The following LANCL2 variants were observed in gnomAD, a reference collection of about 807,000 sequenced individuals.
LANCL2 encodes LanC like glutathione S-transferase 2, also known as lanC-like protein 2.
A neutral mutation model predicts 56.9 loss-of-function variants in LANCL2; 33 were observed. The ratio of observed to expected loss-of-function variants is 0.58; its 90% CI spans 0.44 to 0.78. The LOEUF is 0.78. Among genes scored for constraint, LANCL2 ranks in the 30% least tolerant of loss-of-function variants. The pLI is 0.00. For missense variants in LANCL2, 562 were observed against 580.2 expected, an observed-to-expected ratio of 0.97 and a Z score of 0.32; for synonymous variants, 233 against 228.2, an observed-to-expected ratio of 1.02 and a Z score of -0.19.
At chr7:55,370,465 TGAAC>T (rs1789930703) in intron 1 of LANCL2, among the ~76,000 whole-genome samples, 1 of 152,222 alleles carries the variant, frequency 6.6e-6, no homozygotes, top group African/African-American at 2.4e-5. Flanking sequence ...GCTGAAATCT[TGAAC>T]TTGTCAGAGA....
chr7:55,414,717 C>T (rs1029146710), intron 6 of LANCL2, among the ~76,000 whole-genome samples: 3 of 152,092 alleles, frequency 2.0e-5, no homozygotes, highest in East Asian at 1.9e-4. Flanking sequence ...CTGTGGCTCA[C>T]ACCTGTAATC....
rs3807356 is a variant in LANCL2 at position 55,423,185 on chromosome 7, C to T, written c.1009-2069C>T. Among the ~76,000 whole-genome samples, 216 of 152,296 alleles carry T rather than the reference C, an allele frequency of 1.4e-3. 5 individuals are homozygous for T. In the East Asian group the frequency reaches 0.036, roughly 26 times the overall value. On this transcript the variant is annotated intron_variant, in intron 6 of 8. Transcript: ENST00000254770. ...TCTATAGTTCTGAATTCTTGGATGT[C>T]TCGCTGTTAGAAGTAGCTGTTTGCT... is the stretch of plus-strand genomic sequence containing the variant.
chr7:55,366,053 A>C lies in LANCL2; in HGVS notation c.28A>C (p.Lys10Gln), dbSNP rs1268852870. ...GGGCGAGACCATGTCAAAGAGGCTG[A>C]AGCTCCACCTGGGAGGGGAGGCAGA... MGETMSKRL[K>Q]LHLGGEAEME... Residue 10 changes from lysine (K) to glutamine (Q), a missense_variant, in exon 1 of 9, where the codon AAG becomes CAG. By Grantham distance (53) the Lys-to-Gln change is moderately conservative (BLOSUM62 1). Transcript: ENST00000254770. The C allele has an allele frequency of 6.6e-7, 1 of 1,519,980 alleles. No individual in the cohort carries two copies. Among genetic ancestry groups the C allele is most frequent in the South Asian group, 1.2e-5 (1 of 81,858 alleles). The allele number at this position is 1,519,980 out of a possible 1,614,324, so 94.2% of individuals were successfully genotyped here.
chr7:55,392,001 G>A, intron 2 of LANCL2, 91 bp downstream of exon 2: 2 of 799,762 alleles, frequency 2.5e-6, no homozygotes, highest in East Asian at 2.6e-5. Context: ...TTTTAAAATG[G>A]TAAAGATTTG....
In LANCL2 at chr7:55,366,182, C is replaced by T. The variant is rs372067135; in HGVS notation, c.157C>T (p.Pro53Ser). 2 of 1,557,228 alleles carry T rather than the reference C, an allele frequency of 1.3e-6. No individual in the cohort carries two copies. The highest frequency in any genetic ancestry group is 8.7e-7 in the Non-Finnish European group (1 of 1,150,076). The change falls in exon 1 of 9, where the codon CCG becomes TCG. Residue 53 changes from proline to serine, a missense_variant. Pro to Ser is a moderately conservative substitution (Grantham distance 74). Around this residue, in one of 2 missense-constraint regions of LANCL2, gnomAD observed 184 missense variants for 111.8 expected, o/e 1.65. Transcript: ENST00000254770. ...AAEETGCVRP[P>S]ATTDEPGLPF... Reference sequence around the variant, plus strand: ...CGAAGAGACAGGCTGTGTTCGTCCCCCGGCGACCACGGATGAGCCCGGCCT... The same window carrying T: ...CGAAGAGACAGGCTGTGTTCGTCCCTCGGCGACCACGGATGAGCCCGGCCT...
intron 5 of LANCL2, 146 bp from the exon 6 acceptor site, chr7:55,411,761 T>C: frequency 1.2e-6 from 1 of 805,830 alleles, no homozygotes; most frequent in Non-Finnish European, 1.9e-6. Flanking sequence ...TTTGCCTAAG[T>C]CTTAAATAAC....
chr7:55,425,515 T>C, intron 7 of LANCL2, 85 bp downstream of exon 7: 2 of 1,255,242 alleles, frequency 1.6e-6, no homozygotes, highest in Non-Finnish European at 2.3e-6. Flanking sequence ...TCCTGTTCCT[T>C]CTTTTAACCT....
At chr7:55,412,143 GTCAGGT>G in intron 6 of LANCL2, 54 bp downstream of exon 6, 2 of 1,549,860 alleles carry the variant, frequency 1.3e-6, no homozygotes, top group Non-Finnish European at 1.8e-6. Flanking sequence ...AGGTTTCCCT[GTCAGGT>G]TTTGGGTCTT....
chr7:55,393,561 CAA>C (rs66917465), intron 2 of LANCL2, among the ~76,000 whole-genome samples: 1 of 150,054 alleles, frequency 6.7e-6, no homozygotes, highest in East Asian at 2.0e-4. Flanking sequence ...AACCAAAAAC[CAA>C]AAAAAAACAG....
intron 2 of LANCL2, among the ~76,000 whole-genome samples, chr7:55,393,378 G>A (rs746389290): frequency 3.9e-5 from 6 of 152,034 alleles, no homozygotes; most frequent in Admixed American, 6.6e-5. Flanking sequence ...CTAAAAATAC[G>A]AAAATTAGCT....
rs1054541198 is a variant in LANCL2 at position 55,365,787 on chromosome 7, C to A, written c.-239C>A. On this transcript the variant is annotated 5_prime_UTR_variant, in exon 1 of 9. Coordinates refer to ENST00000254770, the MANE Select transcript of LANCL2 (RefSeq NM_018697.4). ...CCGCTCCTCTCCGTCGGGAGCAGGG[C>A]AAAGGCGCCAGGAACAGGGCAGAGG... The A allele has an allele frequency of 1.8e-5, 7 of 387,200 alleles. No individual in the cohort carries two copies. The highest frequency in any genetic ancestry group is 1.0e-4 in the African/African-American group (5 of 48,050). The allele number at this position is 387,200 out of a possible 1,614,324, so 24.0% of individuals were successfully genotyped here.
At chr7:55,417,042 C>G (rs1478387050) in intron 6 of LANCL2, among the ~76,000 whole-genome samples, 1 of 142,164 alleles carries the variant, frequency 7.0e-6, no homozygotes, top group African/African-American at 2.7e-5. Context: ...TGCAGTGGCA[C>G]GATCTCTGCT....
rs1790652488 is a variant in LANCL2 at position 55,425,287 on chromosome 7, A to C, written c.1042A>C (p.Met348Leu). ...GGAGGAGAAGTACTTGAAAGAGGCC[A>C]TGGAGTGTAGCGATGTGATTTGGCA... Reference protein sequence around the residue: ...FKEEKYLKEAMECSDVIWQRG... With the variant: ...FKEEKYLKEALECSDVIWQRG... The change falls in exon 7 of 9, where the codon ATG (methionine) becomes CTG (leucine). Residue 348 changes from methionine to leucine, a missense_variant. By Grantham distance (15) the Met-to-Leu change is conservative (BLOSUM62 2). Transcript: ENST00000254770. 6.2e-7 allele frequency: 1 copy of C among 1,614,052 alleles called. No homozygotes were observed.
rs1789858153 is a variant in LANCL2 at position 55,366,023 on chromosome 7, G to C, written c.-3G>C. On this transcript the variant is annotated 5_prime_UTR_variant, in exon 1 of 9. Coordinates refer to ENST00000254770, the MANE Select transcript of LANCL2 (RefSeq NM_018697.4). ...CCCGCCCGCGCGCCGTACCGCGGCG[G>C]AGATGGGCGAGACCATGTCAAAGAG... The C allele has an allele frequency of 6.9e-7, 1 of 1,445,222 alleles. No individual in the cohort carries two copies. The highest frequency in any genetic ancestry group is 9.1e-7 in the Non-Finnish European group (1 of 1,093,298). 89.5% of individuals were successfully genotyped at this position (1,445,222 alleles called of 1,614,324 possible).
At chr7:55,414,501 GA>G (rs1197567324) in intron 6 of LANCL2, among the ~76,000 whole-genome samples, 1 of 152,080 alleles carries the variant, frequency 6.6e-6, no homozygotes, top group Non-Finnish European at 1.5e-5. Context: ...TCAAGTACTT[GA>G]AAAAATATTA....
chr7:55,420,746 G>A (rs1419289017), intron 6 of LANCL2, among the ~76,000 whole-genome samples: 2 of 152,196 alleles, frequency 1.3e-5, no homozygotes, highest in Non-Finnish European at 1.5e-5. Context: ...AGGGAACTTC[G>A]TTTACAGATC....
rs549319639 is a variant in LANCL2, at chr7:55,432,953, G to C, written c.*1633G>C. ...CCACACCTGCAGGCAGGATGCTGTCGTCAATGAGCTGAGGGTAGCTGCTTT... is the reference window on the plus strand; with the variant it reads ...CCACACCTGCAGGCAGGATGCTGTCCTCAATGAGCTGAGGGTAGCTGCTTT... On this transcript the variant is annotated 3_prime_UTR_variant, in exon 9 of 9. Transcript: ENST00000254770. The C allele has an allele frequency of 1.3e-5, 2 of 152,244 alleles. No individual in the cohort carries two copies. The highest frequency in any genetic ancestry group is 4.8e-5 in the African/African-American group (2 of 41,438). The allele number at this position is 152,244 out of a possible 1,614,324, so 9.4% of individuals were successfully genotyped here.
rs765211771 is a variant in LANCL2 at position 55,398,385 on chromosome 7, T to G, written c.323-38T>G. The G allele has an allele frequency of 1.3e-5, 18 of 1,420,928 alleles. No individual in the cohort carries two copies. The East Asian group carries it at 1.4e-4, about 11-fold the overall frequency. The allele number at this position is 1,420,928 out of a possible 1,614,324, so 88.0% of individuals were successfully genotyped here. ...ATGTCCTGAAGATAAAAGGAAAAGA[T>G]AATAATGCTTTTCTTTTGGGGTGGG... On this transcript the variant is annotated intron_variant, in intron 2 of 8. Coordinates refer to ENST00000254770, the MANE Select transcript of LANCL2 (RefSeq NM_018697.4).
At chr7:55,416,313 G>T (rs1220321125) in intron 6 of LANCL2, among the ~76,000 whole-genome samples, 1 of 152,038 alleles carries the variant, frequency 6.6e-6, no homozygotes, top group Non-Finnish European at 1.5e-5. Context: ...TTGAGACAGG[G>T]TCTTGCACTG....
Sources: gnomAD v4.1 joint callset for allele counts (sites outside exome capture counted in the v4.1 genomes callset) on GRCh38, gnomAD v4.1.1 for gene constraint, gnomAD v4.1.1 regional missense constraint, MANE v1.5 for transcripts, NCBI Gene and HGNC (gene_info 2026-07-23, HGNC 2026-07-21) for gene names.